Variants in DGKG observed in about 807,000 individuals in gnomAD.
DGKG encodes the protein diacylglycerol kinase gamma, also known as DAG kinase gamma.
A neutral mutation model predicts 105.3 loss-of-function variants in DGKG; 78 were observed. That is an observed-to-expected ratio of 0.74 (90% CI 0.62 to 0.89). The LOEUF is 0.89. DGKG is among the 40% of genes least tolerant of loss of function. DGKG has a pLI of 0.00. For missense variants in DGKG, 958 were observed against 1,020.1 expected, an observed-to-expected ratio of 0.94 and a Z score of 0.83; for synonymous variants, 346 against 367.1, an observed-to-expected ratio of 0.94 and a Z score of 0.66.
intron 20 of DGKG, among the ~76,000 whole-genome samples, chr3:186,238,909 T>A (rs1262104630): frequency 6.6e-6 from 1 of 152,138 alleles, no homozygotes; most frequent in Non-Finnish European, 1.5e-5. Flanking sequence ...ACCCCAACAT[T>A]TGAGTCATAA....
At chr3:186,260,645 G>A (rs1173710640) in intron 15 of DGKG, 132 bp from the exon 16 acceptor site, 1 of 705,690 alleles carries the variant, frequency 1.4e-6, no homozygotes. Flanking sequence ...AAACCCCGGA[G>A]GGGAGGGCAC....
chr3:186,306,912 C>T lies in DGKG; in HGVS notation c.133G>A (p.Asp45Asn), dbSNP rs377213576. The change falls in exon 3 of 25, where the codon GAC (aspartate) becomes AAC (asparagine). Residue 45 changes from aspartate (D) to asparagine (N), a missense_variant. Asp to Asn is a conservative substitution (Grantham distance 23). Coordinates refer to ENST00000265022, the MANE Select transcript of DGKG (RefSeq NM_001346.3). ...FNEGGSLKQY[D>N]PHEPISYDVF... is the part of the protein sequence containing the mutation. ...GGAAATGTTCTTACCTCATGTGGGTCATATTGTTTGAGGCTCCCACCCTCA... is the reference window on the plus strand; with the variant it reads ...GGAAATGTTCTTACCTCATGTGGGTTATATTGTTTGAGGCTCCCACCCTCA... The T allele has an allele frequency of 6.2e-7, 1 of 1,609,378 alleles. No individual in the cohort carries two copies. Among genetic ancestry groups the T allele is most frequent in the African/African-American group, 1.3e-5 (1 of 74,796 alleles).
chr3:186,255,964 T>C (rs1721448058), intron 17 of DGKG, among the ~76,000 whole-genome samples: 2 of 152,204 alleles, frequency 1.3e-5, no homozygotes, highest in African/African-American at 4.8e-5. Flanking sequence ...TGATCTTCCT[T>C]CTTTCTGTTT....
chr3:186,284,850 C>T lies in DGKG; in HGVS notation c.545-141G>A, dbSNP rs1722989976. ...GCAGCCAGCTCTCCCTCCCTCTGAGCACAGAGTCTGACTTCCTTACAGAGA... is the reference window on the plus strand; with the variant it reads ...GCAGCCAGCTCTCCCTCCCTCTGAGTACAGAGTCTGACTTCCTTACAGAGA... On this transcript the variant is annotated intron_variant, in intron 6 of 24. Coordinates refer to ENST00000265022, the MANE Select transcript of DGKG (RefSeq NM_001346.3). The surrounding 1 kb of genome is among the most constrained non-coding windows in gnomAD (Gnocchi z 4.0). 7.2e-6 allele frequency: 5 copies of T among 696,372 alleles called. No homozygotes were observed. The highest frequency in any genetic ancestry group is 6.9e-5 in the South Asian group (4 of 58,180). 43.1% of individuals were successfully genotyped at this position (696,372 alleles called of 1,614,324 possible). A position where few individuals can be genotyped will look rare whatever the true frequency, so the allele number is the denominator to read the frequency against.
chr3:186,278,320 T>C (rs1457783433), intron 9 of DGKG, among the ~76,000 whole-genome samples: 3 of 152,146 alleles, frequency 2.0e-5, no homozygotes, highest in African/African-American at 7.2e-5. Context: ...TAATCTTAAG[T>C]GAGTAAAGTC....
At chr3:186,263,824 C>T (rs1288531525) in intron 14 of DGKG, among the ~76,000 whole-genome samples, 2 of 152,142 alleles carry the variant, frequency 1.3e-5, no homozygotes, top group Non-Finnish European at 2.9e-5. Context: ...GAAGGATACA[C>T]CAATGTGGAC....
At chr3:186,345,781 T>G (rs1726299079) in intron 1 of DGKG, among the ~76,000 whole-genome samples, 2 of 152,346 alleles carry the variant, frequency 1.3e-5, no homozygotes, top group South Asian at 4.1e-4. Flanking sequence ...TGTTTTGTTT[T>G]GTTTTTGAGA....
At chr3:186,349,533 T>C (rs1726524201) in intron 1 of DGKG, among the ~76,000 whole-genome samples, 1 of 152,228 alleles carries the variant, frequency 6.6e-6, no homozygotes. Flanking sequence ...TTTAAGTTTA[T>C]GTTCTCTCTT....
In DGKG at chr3:186,361,843, C is replaced by T. The variant is rs1727246728; in HGVS notation, c.-249+103G>A. 1.3e-5 allele frequency: 2 copies of T among 152,426 alleles called. No individual in the cohort carries two copies. The highest frequency in any genetic ancestry group is 2.9e-5 in the Non-Finnish European group (2 of 68,276). 9.4% of individuals were successfully genotyped at this position (152,426 alleles called of 1,614,324 possible). ...CGTGGCTTTGGCTGCAGCCCCTTCC[C>T]TGGCCGCGGGACCGGCTCCCGCTTT... On this transcript the variant is annotated intron_variant, in intron 1 of 24. Coordinates refer to ENST00000265022, the MANE Select transcript of DGKG (RefSeq NM_001346.3). This position sits in a 1 kb window ranked among gnomAD's most constrained non-coding sequence, Gnocchi z 6.8.
intron 22 of DGKG, among the ~76,000 whole-genome samples, chr3:186,183,426 C>G (rs966606043): frequency 6.6e-6 from 1 of 152,076 alleles, no homozygotes; most frequent in Non-Finnish European, 1.5e-5. Flanking sequence ...GAGACTGTTT[C>G]TCACTATTCT....
At chr3:186,242,050 C>T (rs1208205706) in intron 20 of DGKG, among the ~76,000 whole-genome samples, 2 of 152,166 alleles carry the variant, frequency 1.3e-5, no homozygotes, top group East Asian at 3.9e-4. Context: ...TCCTCCTGGT[C>T]CAAGTCCCGG....
At position 186,288,761 on chromosome 3, in the gene DGKG, C is replaced by G. The variant is rs367628591; in HGVS notation, c.493G>C (p.Val165Leu). ...GTCTCCAGCAGGGACAGGTAGCACA[C>G]AACATCCTTCAGGTATACCACTGGG... ...ESPVVYLKDV[V>L]CYLSLLETGR... The change falls in exon 6 of 25, where the codon GTG (valine) becomes CTG (leucine). Residue 165 changes from valine to leucine, a missense_variant. Coordinates refer to ENST00000265022, the MANE Select transcript of DGKG (RefSeq NM_001346.3). 3 of 1,614,084 alleles carry G rather than the reference C, an allele frequency of 1.9e-6. No homozygotes were observed. The highest frequency in any genetic ancestry group is 2.5e-6 in the Non-Finnish European group (3 of 1,180,028).
intron 24 of DGKG, among the ~76,000 whole-genome samples, chr3:186,157,748 G>T (rs534467458): frequency 4.1e-4 from 62 of 152,256 alleles, no homozygotes; most frequent in African/African-American, 1.5e-3. Context: ...CCATCGCCCA[G>T]GCTGGAGTGC....
chr3:186,189,196 G>T (rs1717789103), intron 21 of DGKG, among the ~76,000 whole-genome samples: 2 of 152,182 alleles, frequency 1.3e-5, no homozygotes, highest in South Asian at 4.1e-4. Flanking sequence ...TTCAGAATCT[G>T]CCTGTCTCCT....
chr3:186,286,411 G>A (rs758017726), intron 6 of DGKG, among the ~76,000 whole-genome samples: 1 of 152,122 alleles, frequency 6.6e-6, no homozygotes, highest in Non-Finnish European at 1.5e-5. Flanking sequence ...AACTAGAAAG[G>A]CCTGAGTAAG....
intron 5 of DGKG, among the ~76,000 whole-genome samples, chr3:186,294,214 A>G (rs1281425997): frequency 6.6e-6 from 1 of 152,218 alleles, no homozygotes; most frequent in Non-Finnish European, 1.5e-5. Flanking sequence ...CTCAAATATC[A>G]CATAAAATGA....
intron 20 of DGKG, among the ~76,000 whole-genome samples, chr3:186,234,342 T>G (rs1013329848): frequency 1.3e-5 from 2 of 152,194 alleles, no homozygotes; most frequent in African/African-American, 4.8e-5. Context: ...CTGTCAACAC[T>G]CACGTTAGGA....
intron 21 of DGKG, among the ~76,000 whole-genome samples, chr3:186,202,422 A>G (rs543599646): frequency 2.0e-5 from 3 of 152,226 alleles, no homozygotes; most frequent in Non-Finnish European, 4.4e-5. Context: ...TTTGTATATA[A>G]TATTCTCTGT....
intron 14 of DGKG, among the ~76,000 whole-genome samples, chr3:186,262,807 A>T (rs1209731371): frequency 6.6e-6 from 1 of 152,112 alleles, no homozygotes; most frequent in Non-Finnish European, 1.5e-5. Flanking sequence ...ATGTCCCGAA[A>T]TGCCCACTTC....
Sources: gnomAD v4.1 joint callset for allele counts (sites outside exome capture counted in the v4.1 genomes callset) on GRCh38, gnomAD v4.1.1 for gene constraint, Gnocchi (gnomAD v3.1) non-coding constraint, MANE v1.5 for transcripts, NCBI Gene and HGNC (gene_info 2026-07-23, HGNC 2026-07-21) for gene names.